Variants in SLC9B1 observed in about 807,000 individuals in gnomAD.
The protein encoded by SLC9B1 is solute carrier family 9 member B1.
SLC9B1 carries 32 observed loss-of-function variants against 51.7 expected under a neutral mutation model. The observed-to-expected ratio is 0.62, with a 90% CI of 0.47 to 0.83. SLC9B1 has a LOEUF of 0.83. SLC9B1 is among the 40% of genes least tolerant of loss of function. SLC9B1 has a pLI of 0.00. For synonymous variants in SLC9B1, 145 were observed against 212.7 expected, an observed-to-expected ratio of 0.68 and a Z score of 2.77; for missense variants, 406 against 613.2, an observed-to-expected ratio of 0.66 and a Z score of 3.57.
chr4:102,911,525 T>C lies in SLC9B1; in HGVS notation c.842A>G (p.Asn281Ser), dbSNP rs1387918897. 6.3e-7 allele frequency: 1 copy of C among 1,594,582 alleles called. No homozygotes were observed. Among genetic ancestry groups the C allele is most frequent in the Non-Finnish European group, 8.5e-7 (1 of 1,177,766 alleles). The change falls in exon 8 of 12, where the codon AAT (asparagine) becomes AGT (serine). Residue 281 changes from asparagine to serine, a missense_variant. Physicochemically the swap from Asn to Ser is conservative, Grantham distance 46 (BLOSUM62 1). Transcript: ENST00000296422. ...SIVFSSGGIL[N>S]NAIASIRNVC... ...GTTCCTTATAGAGGCTATGGCGTTA[T>C]TAAGTATACCACCTGTAGGGGCACA...
At chr4:102,973,869 A>G (rs548496483) in intron 3 of SLC9B1, among the ~76,000 whole-genome samples, 222 of 152,324 alleles carry the variant, frequency 1.5e-3, no homozygotes, top group African/African-American at 5.0e-3. Flanking sequence ...TGAAAGGGTA[A>G]TTTATATCTT....
intron 1 of SLC9B1, among the ~76,000 whole-genome samples, chr4:103,013,069 G>C (rs751399592): frequency 8.5e-5 from 13 of 152,120 alleles, no homozygotes; most frequent in Non-Finnish European, 1.6e-4. Context: ...CTTTCTCTTA[G>C]CACCAAACAC....
downstream of SLC9B1, among the ~76,000 whole-genome samples, chr4:102,898,555 G>C (rs906637081): frequency 8.5e-5 from 13 of 152,118 alleles, no homozygotes; most frequent in Non-Finnish European, 1.8e-4. Context: ...TTTGTAATTC[G>C]TTAGTGTGGA....
intron 3 of SLC9B1, among the ~76,000 whole-genome samples, chr4:102,971,551 C>A (rs1018840082): frequency 1.3e-4 from 20 of 151,980 alleles, no homozygotes; most frequent in Admixed American, 5.9e-4. Flanking sequence ...GATCTAAAAT[C>A]GACACCCTAA....
intron 3 of SLC9B1, among the ~76,000 whole-genome samples, chr4:102,980,686 T>A (rs1452629174): frequency 6.6e-6 from 1 of 152,062 alleles, no homozygotes; most frequent in East Asian, 1.9e-4. Flanking sequence ...ATCGCACATG[T>A]TTACCCATGT....
chr4:102,940,527 A>C (rs10017565), intron 6 of SLC9B1, among the ~76,000 whole-genome samples: 83,083 of 151,878 alleles, frequency 0.55, 23,294 homozygotes, highest in African/African-American at 0.68. Context: ...TGGAGCCAAA[A>C]AAACAAACAA....
At chr4:102,885,631 A>G (rs1733868954) in intron 11 of SLC9B1, among the ~76,000 whole-genome samples, 1 of 152,256 alleles carries the variant, frequency 6.6e-6, no homozygotes. Context: ...AAAGAAGAAT[A>G]AAAATCTAAT....
intron 3 of SLC9B1, chr4:102,962,782 T>G (rs529417116): frequency 2.1e-6 from 1 of 475,728 alleles, no homozygotes; most frequent in East Asian, 6.8e-5. Context: ...ACTGTTACAT[T>G]TGCCCTGATA....
At chr4:102,965,838 T>C (rs1397990187) in intron 3 of SLC9B1, among the ~76,000 whole-genome samples, 2 of 151,522 alleles carry the variant, frequency 1.3e-5, no homozygotes, top group South Asian at 4.1e-4. Context: ...GGAATAGTCA[T>C]ATGGCAGACA....
intron 6 of SLC9B1, among the ~76,000 whole-genome samples, chr4:102,937,561 C>T (rs1287558430): frequency 6.7e-6 from 1 of 149,942 alleles, no homozygotes. Flanking sequence ...CCCATCTCTA[C>T]TAAAAATACA....
chr4:102,968,278 T>C (rs547503907), intron 3 of SLC9B1, among the ~76,000 whole-genome samples: 41 of 152,324 alleles, frequency 2.7e-4, no homozygotes, highest in Non-Finnish European at 5.3e-4. Flanking sequence ...AATGATTCTA[T>C]AATAACTGGT....
intron 11 of SLC9B1, among the ~76,000 whole-genome samples, chr4:102,895,381 T>C (rs1734486537): frequency 6.6e-6 from 1 of 151,994 alleles, no homozygotes; most frequent in South Asian, 2.1e-4. Context: ...AGAAAGAAAA[T>C]AGAAGACTAA....
chr4:103,018,949 C>T (rs1046556432), intron 1 of SLC9B1, among the ~76,000 whole-genome samples: 13 of 152,154 alleles, frequency 8.5e-5, no homozygotes, highest in African/African-American at 2.7e-4. Context: ...TTATGAACTG[C>T]GCATGTGAGG....
At chr4:102,987,962 C>CA (rs2110516101) in intron 3 of SLC9B1, among the ~76,000 whole-genome samples, 1 of 152,102 alleles carries the variant, frequency 6.6e-6, no homozygotes, top group East Asian at 1.9e-4. Flanking sequence ...GTTTTTAGGA[C>CA]AGAGTGATGA....
At chr4:102,913,469 G>C (rs1280451710) in intron 7 of SLC9B1, among the ~76,000 whole-genome samples, 5 of 152,122 alleles carry the variant, frequency 3.3e-5, no homozygotes, top group Non-Finnish European at 7.3e-5. Context: ...TGCTGATTCA[G>C]GTAAAGGTCT....
At chr4:102,959,677 G>T (rs72937428) in intron 3 of SLC9B1, among the ~76,000 whole-genome samples, 4,267 of 152,280 alleles carry the variant, frequency 0.028, 188 homozygotes, top group African/African-American at 0.093. Context: ...TCGCTGACAG[G>T]AAGCAAGGAG....
intron 7 of SLC9B1, among the ~76,000 whole-genome samples, chr4:102,914,964 CA>C (rs894709167): frequency 5.9e-5 from 9 of 152,158 alleles, no homozygotes; most frequent in African/African-American, 2.2e-4. Flanking sequence ...AAGTCAAAGA[CA>C]AAGAGAGAAT....
chr4:102,916,430 A>G (rs1343065351), intron 7 of SLC9B1, among the ~76,000 whole-genome samples: 1 of 152,244 alleles, frequency 6.6e-6, no homozygotes, highest in East Asian at 1.9e-4. Context: ...ATCTAAATAT[A>G]TGAAGCCAAC....
At chr4:102,931,545 A>G (rs1428597566) in intron 7 of SLC9B1, among the ~76,000 whole-genome samples, 3 of 152,236 alleles carry the variant, frequency 2.0e-5, no homozygotes, top group Non-Finnish European at 4.4e-5. Context: ...AATAATGCAG[A>G]AGACTCAATT....
Sources: gnomAD v4.1 joint callset for allele counts (sites outside exome capture counted in the v4.1 genomes callset) on GRCh38, gnomAD v4.1.1 for gene constraint, MANE v1.5 for transcripts, NCBI Gene and HGNC (gene_info 2026-07-23, HGNC 2026-07-21) for gene names.